ADCY2: variants seen among roughly 807,000 people sequenced by gnomAD.
The protein encoded by ADCY2 is adenylate cyclase 2, also known as adenylate cyclase type 2.
A neutral mutation model predicts 125.2 loss-of-function variants in ADCY2; 31 were observed. The ratio of observed to expected loss-of-function variants is 0.25; its 90% CI spans 0.19 to 0.33. ADCY2 has a LOEUF of 0.33. Among genes scored for constraint, ADCY2 ranks in the 10% least tolerant of loss-of-function variants. The pLI, the probability that ADCY2 is intolerant of heterozygous loss-of-function variation, is 1.00. For missense variants in ADCY2, 904 were observed against 1,418.2 expected, an observed-to-expected ratio of 0.64 and a Z score of 5.82; for synonymous variants, 512 against 548.4, an observed-to-expected ratio of 0.93 and a Z score of 0.93.
In ADCY2 at chr5:7,587,024, G is replaced by A. The variant is rs138720187; in HGVS notation, c.571-39143G>A. On this transcript the variant is annotated intron_variant, in intron 3 of 24. Coordinates refer to ENST00000338316, the MANE Select transcript of ADCY2 (RefSeq NM_020546.3). The stretch of plus-strand genomic sequence containing the variant: ...GACATAGATATAGGTGATATAGATC[G>A]TTTAATCCCCTAGTTTACAGGTGAA... Among the ~76,000 whole-genome samples, 451 of 152,238 alleles carry A rather than the reference G, an allele frequency of 3.0e-3. 4 individuals are homozygous for A. Among genetic ancestry groups the A allele is most frequent in the African/African-American group, 0.01 (433 of 41,538 alleles).
chr5:7,599,883 T>C (rs1235506199), intron 3 of ADCY2, among the ~76,000 whole-genome samples: 1 of 152,136 alleles, frequency 6.6e-6, no homozygotes, highest in Admixed American at 6.6e-5. Flanking sequence ...TTAAAAATGC[T>C]CCTGGGATTT....
intron 3 of ADCY2, among the ~76,000 whole-genome samples, chr5:7,581,819 C>CAAAAAAAAAAAAAAAAAAAAAAA (rs59841590): frequency 1.6e-5 from 2 of 123,786 alleles, no homozygotes; most frequent in African/African-American, 3.1e-5. Context: ...GACTCAGTCT[C>CAAAAAAAAAAAAAAAAAAAAAAA]AAAAAAAAAA....
intron 2 of ADCY2, 119 bp downstream of exon 2, chr5:7,414,889 A>T: frequency 1.3e-6 from 1 of 769,150 alleles, no homozygotes; most frequent in East Asian, 2.9e-5. Context: ...AGCAGAGTCT[A>T]TTTTTTTCGA....
In ADCY2 at chr5:7,746,970, C is replaced by CAA. The variant is rs11424423; in HGVS notation, c.1956+3225_1956+3226dup. On this transcript the variant is annotated intron_variant, in intron 15 of 24. Transcript: ENST00000338316. ...AAAGGTAGAAAAATATCAAAATAGG[C>CAA]AAAAAAAATGGTGATGATGAATTGC... Among the ~76,000 whole-genome samples the CAA allele has an allele frequency of 4.7e-4, 54 of 115,912 alleles. No homozygotes were observed. In the South Asian group the frequency reaches 4.9e-3, roughly 10 times the overall value. The allele number at this position is 115,912 out of a possible 152,430, so 76.0% of individuals were successfully genotyped here. A position where few individuals can be genotyped will look rare whatever the true frequency, so the allele number is the denominator to read the frequency against.
intron 4 of ADCY2, among the ~76,000 whole-genome samples, chr5:7,641,614 C>T (rs1738715728): frequency 1.3e-5 from 2 of 152,050 alleles, no homozygotes; most frequent in South Asian, 2.1e-4. Flanking sequence ...TGACTGATCC[C>T]ATTACCCAGG....
At chr5:7,613,221 C>T (rs1206839784) in intron 3 of ADCY2, among the ~76,000 whole-genome samples, 1 of 151,924 alleles carries the variant, frequency 6.6e-6, no homozygotes, top group Non-Finnish European at 1.5e-5. Context: ...GAGACAGGCA[C>T]ACTGGAGAAG....
At chr5:7,557,191 TG>T (rs1735549909) in intron 3 of ADCY2, among the ~76,000 whole-genome samples, 14 of 81,038 alleles carry the variant, frequency 1.7e-4, no homozygotes, top group African/African-American at 3.8e-4. Flanking sequence ...ATTATATATG[TG>T]ATATATATAA....
intron 2 of ADCY2, among the ~76,000 whole-genome samples, chr5:7,503,073 G>T (rs2126506897): frequency 6.6e-6 from 1 of 152,224 alleles, no homozygotes; most frequent in South Asian, 2.1e-4. Flanking sequence ...GCTTTCCTTT[G>T]CTCCCCTTGT....
At chr5:7,730,474 G>T (rs1419436663) in intron 14 of ADCY2, among the ~76,000 whole-genome samples, 1 of 151,964 alleles carries the variant, frequency 6.6e-6, no homozygotes, top group African/African-American at 2.4e-5. Flanking sequence ...CAATTAATTT[G>T]CTCATCAATG....
intron 3 of ADCY2, among the ~76,000 whole-genome samples, chr5:7,535,699 G>C (rs1457547691): frequency 6.6e-6 from 1 of 152,148 alleles, no homozygotes; most frequent in African/African-American, 2.4e-5. Flanking sequence ...ATTATAGAAG[G>C]ATTGGAGGGA....
chr5:7,687,648 GTATT>G (rs1165179939), intron 4 of ADCY2, among the ~76,000 whole-genome samples: 2 of 152,134 alleles, frequency 1.3e-5, no homozygotes, highest in African/African-American at 4.8e-5. Flanking sequence ...AAAAGCTGGA[GTATT>G]TATTCATCAG....
At chr5:7,419,766 C>G (rs1740120097) in intron 2 of ADCY2, among the ~76,000 whole-genome samples, 1 of 152,202 alleles carries the variant, frequency 6.6e-6, no homozygotes, top group African/African-American at 2.4e-5. Flanking sequence ...AAGGTTAACT[C>G]TAAACTGTAC....
At chr5:7,777,861 A>G (rs1181189374) in intron 18 of ADCY2, among the ~76,000 whole-genome samples, 2 of 152,250 alleles carry the variant, frequency 1.3e-5, no homozygotes, top group Non-Finnish European at 2.9e-5. Context: ...GGAGGAAAAA[A>G]AGACCACTCA....
intron 2 of ADCY2, among the ~76,000 whole-genome samples, chr5:7,441,533 TAAAG>T (rs982571965): frequency 2.6e-5 from 4 of 151,298 alleles, no homozygotes; most frequent in African/African-American, 9.7e-5. Flanking sequence ...GGAAAAAAAA[TAAAG>T]AAAAAAAGCC....
intron 2 of ADCY2, among the ~76,000 whole-genome samples, chr5:7,492,788 A>C (rs890227714): frequency 1.4e-4 from 22 of 152,124 alleles, no homozygotes; most frequent in Non-Finnish European, 5.9e-5. Context: ...GTGTTATAAT[A>C]GTAATGAAGG....
At chr5:7,431,600 C>T (rs1740604736) in intron 2 of ADCY2, among the ~76,000 whole-genome samples, 1 of 148,714 alleles carries the variant, frequency 6.7e-6, no homozygotes, top group Non-Finnish European at 1.5e-5. Context: ...AACACTGTTA[C>T]CATTCAAGGG....
chr5:7,530,894 A>G (rs1255711270), intron 3 of ADCY2, among the ~76,000 whole-genome samples: 1 of 152,024 alleles, frequency 6.6e-6, no homozygotes, highest in African/African-American at 2.4e-5. Flanking sequence ...GCAAACTCCT[A>G]TTCAACCCTC....
intron 22 of ADCY2, among the ~76,000 whole-genome samples, chr5:7,814,344 C>A (rs1335779172): frequency 1.3e-5 from 2 of 152,010 alleles, no homozygotes; most frequent in Non-Finnish European, 2.9e-5. Flanking sequence ...CTCCTCCCCC[C>A]GCCCCCCGGA....
At chr5:7,408,707 A>G (rs184462179) in intron 1 of ADCY2, among the ~76,000 whole-genome samples, 93 of 152,272 alleles carry the variant, frequency 6.1e-4, no homozygotes, top group African/African-American at 1.8e-3. Context: ...AAAAAAACAA[A>G]AAACCAAAAA....
Sources: gnomAD v4.1 joint callset for allele counts (sites outside exome capture counted in the v4.1 genomes callset) on GRCh38, gnomAD v4.1.1 for gene constraint, MANE v1.5 for transcripts, NCBI Gene and HGNC (gene_info 2026-07-23, HGNC 2026-07-21) for gene names.